RAP1GDS1: variants seen among roughly 807,000 people sequenced by gnomAD.
The protein encoded by RAP1GDS1 is Rap1 GTPase-GDP dissociation stimulator 1.
RAP1GDS1 carries 35 observed loss-of-function variants against 71.1 expected under a neutral mutation model. The ratio of observed to expected loss-of-function variants is 0.49; its 90% CI spans 0.38 to 0.65. The LOEUF is 0.65. Among genes scored for constraint, RAP1GDS1 ranks in the 30% least tolerant of loss-of-function variants. The pLI, the probability that RAP1GDS1 is intolerant of heterozygous loss-of-function variation, is 0.00. For synonymous variants in RAP1GDS1, 229 were observed against 243.1 expected (o/e 0.94, Z 0.54); for missense variants, 663 against 706.1 (o/e 0.94, Z 0.69).
At chr4:98,392,185 G>GTTTA (rs1743804726) in intron 6 of RAP1GDS1, 105 bp downstream of exon 6, 1 of 1,099,430 alleles carries the variant, frequency 9.1e-7, no homozygotes, top group Non-Finnish European at 1.2e-6. Flanking sequence ...GATTGTATTA[G>GTTTA]TTTATTTTTT....
At chr4:98,278,817 C>T (rs1281759488) in intron 1 of RAP1GDS1, among the ~76,000 whole-genome samples, 1 of 152,178 alleles carries the variant, frequency 6.6e-6, no homozygotes, top group African/African-American at 2.4e-5. Context: ...ACTTCACTAG[C>T]CTAAACCAAG....
chr4:98,277,575 G>C (rs1251217155), intron 1 of RAP1GDS1, among the ~76,000 whole-genome samples: 1 of 151,990 alleles, frequency 6.6e-6, no homozygotes, highest in African/African-American at 2.4e-5. Flanking sequence ...TGTCTTCTTA[G>C]TCATTTTTCA....
chr4:98,269,170 CTT>C (rs1208020037), intron 1 of RAP1GDS1, among the ~76,000 whole-genome samples: 7 of 46,930 alleles, frequency 1.5e-4, no homozygotes, highest in Admixed American at 8.0e-4. Context: ...GTCAATTGAT[CTT>C]CAAAAAAAAA....
chr4:98,298,487 T>G (rs2110291065), intron 2 of RAP1GDS1, among the ~76,000 whole-genome samples: 1 of 152,292 alleles, frequency 6.6e-6, no homozygotes. Flanking sequence ...CTGAAAATCC[T>G]GGGGCCCTTC....
At chr4:98,386,239 T>A (rs931135311) in intron 5 of RAP1GDS1, among the ~76,000 whole-genome samples, 3 of 151,880 alleles carry the variant, frequency 2.0e-5, no homozygotes, top group South Asian at 2.1e-4. Flanking sequence ...TCTACTAGAT[T>A]AAGGCATAAT....
intron 1 of RAP1GDS1, among the ~76,000 whole-genome samples, chr4:98,267,935 A>G (rs1392495430): frequency 6.6e-6 from 1 of 152,230 alleles, no homozygotes; most frequent in Admixed American, 6.5e-5. Context: ...TGCGTTCCAC[A>G]GTGTCTGAAC....
At chr4:98,292,218 C>T (rs1727062962) in intron 1 of RAP1GDS1, among the ~76,000 whole-genome samples, 1 of 151,778 alleles carries the variant, frequency 6.6e-6, no homozygotes, top group African/African-American at 2.4e-5. Flanking sequence ...ACTCAAACTC[C>T]TCAGGCTTAA....
intron 2 of RAP1GDS1, among the ~76,000 whole-genome samples, chr4:98,319,170 CTG>C (rs1399813959): frequency 2.6e-5 from 4 of 152,296 alleles, no homozygotes; most frequent in South Asian, 2.1e-4. Context: ...AGAGCAGAGT[CTG>C]TGTCTTGTTA....
intron 12 of RAP1GDS1, among the ~76,000 whole-genome samples, chr4:98,422,505 C>G (rs929623446): frequency 6.6e-6 from 1 of 152,152 alleles, no homozygotes; most frequent in Non-Finnish European, 1.5e-5. Flanking sequence ...CATGAGCCAC[C>G]ATGCCCAGCC....
intron 4 of RAP1GDS1, among the ~76,000 whole-genome samples, chr4:98,358,932 C>A (rs1578575807): frequency 6.6e-6 from 1 of 151,418 alleles, no homozygotes; most frequent in Admixed American, 6.6e-5. Context: ...CTAATTACTT[C>A]TAAATAAAAA....
intron 5 of RAP1GDS1, among the ~76,000 whole-genome samples, chr4:98,384,893 G>A (rs1346334253): frequency 1.3e-5 from 2 of 151,740 alleles, no homozygotes; most frequent in East Asian, 1.9e-4. Context: ...TTGCTACTGC[G>A]ATTATGATAA....
chr4:98,323,026 A>G (rs1732228800), intron 2 of RAP1GDS1, among the ~76,000 whole-genome samples: 1 of 151,756 alleles, frequency 6.6e-6, no homozygotes, highest in Admixed American at 6.6e-5. Context: ...GACCGCTAGC[A>G]AGACTAATAA....
chr4:98,434,160 A>G (rs2110217915), intron 13 of RAP1GDS1, 98 bp downstream of exon 13: 1 of 1,427,150 alleles, frequency 7.0e-7, no homozygotes, highest in Non-Finnish European at 9.7e-7. Context: ...CTTGACTGGA[A>G]GCATTTTGCT....
chr4:98,346,580 A>C (rs1465029727), intron 3 of RAP1GDS1, among the ~76,000 whole-genome samples: 1 of 148,466 alleles, frequency 6.7e-6, no homozygotes, highest in Non-Finnish European at 1.5e-5. Flanking sequence ...TTTGAGAGGG[A>C]GTCGCCCAGG....
intron 6 of RAP1GDS1, among the ~76,000 whole-genome samples, chr4:98,394,079 C>G (rs989058732): frequency 1.3e-5 from 2 of 152,100 alleles, no homozygotes; most frequent in Non-Finnish European, 2.9e-5. Flanking sequence ...AAATTTATCT[C>G]ATCTAACTTT....
intron 2 of RAP1GDS1, among the ~76,000 whole-genome samples, chr4:98,323,104 C>G (rs1330613523): frequency 1.3e-5 from 2 of 150,620 alleles, no homozygotes; most frequent in African/African-American, 2.5e-5. Context: ...CCACCGATCC[C>G]ACAGAAATAC....
At chr4:98,295,731 A>C (rs909362816) in intron 2 of RAP1GDS1, among the ~76,000 whole-genome samples, 1 of 152,082 alleles carries the variant, frequency 6.6e-6, no homozygotes, top group Non-Finnish European at 1.5e-5. Flanking sequence ...GCTAGGTTTT[A>C]ACATTGTGTT....
chr4:98,293,691 G>A (rs1727290576), intron 2 of RAP1GDS1, among the ~76,000 whole-genome samples, 176 bp downstream of exon 2: 1 of 151,822 alleles, frequency 6.6e-6, no homozygotes, highest in Non-Finnish European at 1.5e-5. Flanking sequence ...TTCCCTCCAC[G>A]CCCCCGCAAG....
chr4:98,412,233 C>T (rs1329050855), intron 7 of RAP1GDS1, among the ~76,000 whole-genome samples: 1 of 152,042 alleles, frequency 6.6e-6, no homozygotes, highest in Non-Finnish European at 1.5e-5. Context: ...AAATTTCTGG[C>T]CAGGTACAGT....
Sources: allele counts gnomAD v4.1 joint callset (sites outside exome capture counted in the v4.1 genomes callset), GRCh38; gene constraint gnomAD v4.1.1; transcripts MANE v1.5; gene names NCBI Gene and HGNC (gene_info 2026-07-23, HGNC 2026-07-21).